KIF13A: variants seen among roughly 807,000 people sequenced by gnomAD.
KIF13A encodes kinesin-like protein KIF13A.
A neutral mutation model predicts 212.2 loss-of-function variants in KIF13A; 79 were observed. The ratio of observed to expected loss-of-function variants is 0.37; its 90% CI spans 0.31 to 0.45. KIF13A has a LOEUF of 0.45. KIF13A is among the 20% of genes least tolerant of loss of function. The pLI is 1.00. For missense variants in KIF13A, 1,901 were observed against 2,209.0 expected, an observed-to-expected ratio of 0.86 and a Z score of 2.79; for synonymous variants, 789 against 808.6, an observed-to-expected ratio of 0.98 and a Z score of 0.41.
chr6:17,791,080 A>G (rs2150319186), intron 25 of KIF13A, among the ~76,000 whole-genome samples: 1 of 150,988 alleles, frequency 6.6e-6, no homozygotes, highest in Admixed American at 6.6e-5. Flanking sequence ...AGTCAAAATT[A>G]TTTTCATATA....
chr6:17,761,102 A>T (rs371361907), downstream of KIF13A, among the ~76,000 whole-genome samples: 1 of 152,198 alleles, frequency 6.6e-6, no homozygotes, highest in African/African-American at 2.4e-5. Flanking sequence ...CAAAGTAAAA[A>T]TTAAGGAAAA....
intron 2 of KIF13A, among the ~76,000 whole-genome samples, chr6:17,955,141 C>T (rs956284495): frequency 6.6e-6 from 1 of 152,138 alleles, no homozygotes; most frequent in Admixed American, 6.6e-5. Context: ...ACAAGTATTA[C>T]TATACATGTC....
chr6:17,933,404 ATT>A (rs11377627), intron 2 of KIF13A, among the ~76,000 whole-genome samples: 7 of 114,596 alleles, frequency 6.1e-5, no homozygotes, highest in Admixed American at 2.1e-4. Context: ...CACCCAGCTC[ATT>A]TTTTTTTTTT....
chr6:17,958,870 C>CTTTTT (rs1561805769), intron 2 of KIF13A, among the ~76,000 whole-genome samples: 1 of 102,628 alleles, frequency 9.7e-6, no homozygotes, highest in Non-Finnish European at 1.9e-5. Context: ...GTGTCTTTTT[C>CTTTTT]TTTTTCTTTT....
intron 2 of KIF13A, among the ~76,000 whole-genome samples, chr6:17,981,172 T>C (rs1330274169): frequency 5.3e-5 from 8 of 152,034 alleles, no homozygotes; most frequent in African/African-American, 9.7e-5. Context: ...AGTTTATGAC[T>C]CATTAGTGGG....
At position 17,809,004 on chromosome 6, in the gene KIF13A, T is replaced by C; in HGVS notation, c.2001-74A>G. ...ATCCCGTTTCTAAGTGAGCATCTTA[T>C]TAGAAAATGGGAGAAAACTCCTCTC... On this transcript the variant is annotated intron_variant, in intron 17 of 38. Transcript: ENST00000259711. The surrounding 1 kb of genome is among the most constrained non-coding windows in gnomAD (Gnocchi z 4.7). The C allele has an allele frequency of 7.3e-7, 1 of 1,360,686 alleles. No individual in the cohort carries two copies. Among genetic ancestry groups the C allele is most frequent in the Non-Finnish European group, 9.8e-7 (1 of 1,019,534 alleles). The allele number at this position is 1,360,686 out of a possible 1,614,324, so 84.3% of individuals were successfully genotyped here. A position where few individuals can be genotyped will look rare whatever the true frequency, so the allele number is the denominator to read the frequency against.
chr6:17,827,235 C>T (rs913911311), intron 14 of KIF13A, among the ~76,000 whole-genome samples: 2 of 149,476 alleles, frequency 1.3e-5, no homozygotes, highest in African/African-American at 2.5e-5. Context: ...GCAGAGACTA[C>T]AGGTGTGCAC....
At chr6:17,959,740 T>A (rs964779888) in intron 2 of KIF13A, among the ~76,000 whole-genome samples, 1 of 152,238 alleles carries the variant, frequency 6.6e-6, no homozygotes, top group Admixed American at 6.5e-5. Context: ...AGCTATCAGT[T>A]CGGCTGGGCG....
At position 17,968,624 on chromosome 6, in the gene KIF13A, T is replaced by C. The variant is rs1445760930; in HGVS notation, c.146+18430A>G. On this transcript the variant is annotated intron_variant, in intron 2 of 38. Transcript: ENST00000259711. This position sits in a 1 kb window ranked among gnomAD's most constrained non-coding sequence, Gnocchi z 4.7. Reference sequence around the variant, plus strand: ...TAGGTTGTGCAGTGAACATTAAAAATGTGAACTTTGTCAAAGACTGGTGAC... The same window carrying C: ...TAGGTTGTGCAGTGAACATTAAAAACGTGAACTTTGTCAAAGACTGGTGAC... 1.3e-5 allele frequency among the ~76,000 whole-genome samples: 2 copies of C among 152,202 alleles called. No homozygotes were observed. Among genetic ancestry groups the C allele is most frequent in the Non-Finnish European group, 2.9e-5 (2 of 68,042 alleles).
intron 2 of KIF13A, among the ~76,000 whole-genome samples, chr6:17,939,148 C>T (rs1284324100): frequency 6.6e-6 from 1 of 152,200 alleles, no homozygotes. Flanking sequence ...GCCCTTTCCT[C>T]TTTCCTCCCC....
Position 17,794,702 on chromosome 6 carries a change from C to CAAT in KIF13A, c.2944_2945insATT (p.Arg981_Trp982insTyr), listed in dbSNP as rs1300692803. On this transcript the variant is annotated inframe_insertion and splice_region_variant, in exon 24 of 39. Coordinates refer to ENST00000259711, the MANE Select transcript of KIF13A (RefSeq NM_022113.6). The surrounding 1 kb of genome is among the most constrained non-coding windows in gnomAD (Gnocchi z 4.1). ...TTCTATTCTTCGCGTTACTTCATTC[C>CAAT]ACCTGCAGAAACACATTCCAACAAG... The CAAT allele has an allele frequency of 6.2e-7, 1 of 1,606,844 alleles. No individual in the cohort carries two copies. Among genetic ancestry groups the CAAT allele is most frequent in the African/African-American group, 1.3e-5 (1 of 74,540 alleles).
At position 17,968,716 on chromosome 6, in the gene KIF13A, C is replaced by T. The variant is rs1048530984; in HGVS notation, c.146+18338G>A. 2.0e-5 allele frequency among the ~76,000 whole-genome samples: 3 copies of T among 152,198 alleles called. No individual in the cohort carries two copies. Among genetic ancestry groups the T allele is most frequent in the East Asian group, 3.8e-4 (2 of 5,196 alleles). ...AGCAGCTACAGCCTCTGCCTGTCAGCCAAAGGCAGTAGCAGCCAAAGCTGT... is the reference window on the plus strand; with the variant it reads ...AGCAGCTACAGCCTCTGCCTGTCAGTCAAAGGCAGTAGCAGCCAAAGCTGT... On this transcript the variant is annotated intron_variant, in intron 2 of 38. Coordinates refer to ENST00000259711, the MANE Select transcript of KIF13A (RefSeq NM_022113.6). The surrounding 1 kb of genome is among the most constrained non-coding windows in gnomAD (Gnocchi z 4.7).
In KIF13A at chr6:17,779,204, C is replaced by T. The variant is rs1581890964; in HGVS notation, c.3940-105G>A. ...AAGTCTGGAGAATGAACACATTCTC[C>T]ATTATTTAGATACTGATATTTTTTA... On this transcript the variant is annotated intron_variant, in intron 32 of 38. Coordinates refer to ENST00000259711, the MANE Select transcript of KIF13A (RefSeq NM_022113.6). 12 of 705,624 alleles carry T rather than the reference C, an allele frequency of 1.7e-5. No individual in the cohort carries two copies. The East Asian group carries it at 3.5e-4, about 21-fold the overall frequency. The allele number at this position is 705,624 out of a possible 1,614,324, so 43.7% of individuals were successfully genotyped here.
Position 17,855,602 on chromosome 6 carries a change from A to G in KIF13A, c.329T>C (p.Phe110Ser). ...AYGQTGSGKSFSMMGHAEQLG... is the reference protein window; with the variant it reads ...AYGQTGSGKSSSMMGHAEQLG... ...CTGCTCAGCATGGCCCATCATGGAAAAGGATTTTCCCGAACCTGGAGAACA... is the reference window on the plus strand; with the variant it reads ...CTGCTCAGCATGGCCCATCATGGAAGAGGATTTTCCCGAACCTGGAGAACA... Residue 110 changes from phenylalanine (F) to serine (S), a missense_variant, in exon 6 of 39, where the codon TTT becomes TCT. Physicochemically the swap from Phe to Ser is radical, Grantham distance 155 (BLOSUM62 -2). Transcript: ENST00000259711. The surrounding 1 kb of genome is among the most constrained non-coding windows in gnomAD (Gnocchi z 4.1). The G allele has an allele frequency of 6.2e-7, 1 of 1,600,800 alleles. No individual in the cohort carries two copies. Among genetic ancestry groups the G allele is most frequent in the Non-Finnish European group, 8.5e-7 (1 of 1,176,588 alleles).
intron 6 of KIF13A, among the ~76,000 whole-genome samples, chr6:17,854,546 ATTTTTTTTTT>A (rs36073765): frequency 5.2e-5 from 4 of 77,118 alleles, no homozygotes; most frequent in South Asian, 5.6e-4. Flanking sequence ...AATCAGTATA[ATTTTTTTTTT>A]TTTTTTTTTT....
rs1270981722 is a variant in KIF13A, at chr6:17,857,343, T to C, written c.221-1221A>G. Among the ~76,000 whole-genome samples, 5 of 152,202 alleles carry C rather than the reference T, an allele frequency of 3.3e-5. 1 individual carries two copies. Among genetic ancestry groups the C allele is most frequent in the Admixed American group, 3.3e-4 (5 of 15,272 alleles). On this transcript the variant is annotated intron_variant, in intron 4 of 38. Coordinates refer to ENST00000259711, the MANE Select transcript of KIF13A (RefSeq NM_022113.6). Reference sequence around the variant, plus strand: ...GACCTGTTGGGAGACGATTGGATCATGGGGGCAGTTTCCCCTATGCTGTTC... The same window carrying C: ...GACCTGTTGGGAGACGATTGGATCACGGGGGCAGTTTCCCCTATGCTGTTC...
In KIF13A at chr6:17,982,642, A is replaced by G. The variant is rs1235454995; in HGVS notation, c.146+4412T>C. On this transcript the variant is annotated intron_variant, in intron 2 of 38. Transcript: ENST00000259711. The surrounding 1 kb of genome is among the most constrained non-coding windows in gnomAD (Gnocchi z 5.1). ...ACATTTTATTTTTACACAGTAGGTT[A>G]GATATGCACTTTATTTTGGAGTCTT... is the stretch of plus-strand genomic sequence containing the variant. Among the ~76,000 whole-genome samples, 2 of 152,192 alleles carry G rather than the reference A, an allele frequency of 1.3e-5. No homozygotes were observed. The highest frequency in any genetic ancestry group is 2.9e-5 in the Non-Finnish European group (2 of 68,032).
intron 2 of KIF13A, among the ~76,000 whole-genome samples, chr6:17,929,305 T>C (rs1305348023): frequency 6.6e-6 from 1 of 152,084 alleles, no homozygotes; most frequent in Non-Finnish European, 1.5e-5. Context: ...AGTGGCGCCA[T>C]CATAGCTCAT....
At position 17,897,759 on chromosome 6, in the gene KIF13A, A is replaced by G. The variant is rs1321514901; in HGVS notation, c.159+409T>C. 1.3e-5 allele frequency among the ~76,000 whole-genome samples: 2 copies of G among 152,196 alleles called. No individual in the cohort carries two copies. Among genetic ancestry groups the G allele is most frequent in the East Asian group, 1.9e-4 (1 of 5,204 alleles). On this transcript the variant is annotated intron_variant, in intron 3 of 38. Coordinates refer to ENST00000259711, the MANE Select transcript of KIF13A (RefSeq NM_022113.6). The surrounding 1 kb of genome is among the most constrained non-coding windows in gnomAD (Gnocchi z 4.8). ...GTCCAATCAGTAATCACAGTTACCA[A>G]CTGCCATCCTATGATCTTACCATAG... is the stretch of plus-strand genomic sequence containing the variant.
Sources: allele counts gnomAD v4.1 joint callset (sites outside exome capture counted in the v4.1 genomes callset), GRCh38; gene constraint gnomAD v4.1.1; non-coding constraint Gnocchi (gnomAD v3.1); transcripts MANE v1.5; gene names NCBI Gene and HGNC (gene_info 2026-07-23, HGNC 2026-07-21).